Variants in PCSK5 observed in about 807,000 individuals in gnomAD.
The protein encoded by PCSK5 is proprotein convertase subtilisin/kexin type 5.
Under a neutral mutation model 233.2 loss-of-function variants are expected in PCSK5, and 129 were observed. The observed-to-expected ratio is 0.55, with a 90% CI of 0.48 to 0.64. The LOEUF is 0.64. Among genes scored for constraint, PCSK5 ranks in the 30% least tolerant of loss-of-function variants. The pLI is 0.00. For synonymous variants in PCSK5, 825 were observed against 879.2 expected (o/e 0.94, Z 1.09); for missense variants, 2,076 against 2,430.1 (o/e 0.85, Z 3.06).
chr9:76,227,159 C>T (rs1825921228), intron 20 of PCSK5, among the ~76,000 whole-genome samples: 1 of 152,148 alleles, frequency 6.6e-6, no homozygotes, highest in Non-Finnish European at 1.5e-5. Context: ...GAGACCTCAG[C>T]TTTTAATGGA....
intron 24 of PCSK5, among the ~76,000 whole-genome samples, chr9:76,247,587 A>T (rs189622390): frequency 6.6e-6 from 1 of 152,196 alleles, no homozygotes; most frequent in African/African-American, 2.4e-5. Flanking sequence ...ATTCTTAGTC[A>T]GCCTAGGAAA....
intron 2 of PCSK5, among the ~76,000 whole-genome samples, chr9:75,970,347 G>T (rs1308090935): frequency 1.3e-5 from 2 of 152,132 alleles, no homozygotes; most frequent in Admixed American, 1.3e-4. Flanking sequence ...TGAACTTTAT[G>T]TGCTCTTAAA....
chr9:76,220,506 G>A (rs919242996), intron 20 of PCSK5, among the ~76,000 whole-genome samples: 5 of 130,944 alleles, frequency 3.8e-5, no homozygotes, highest in Admixed American at 2.6e-4. Context: ...CAGCCTGGGC[G>A]ACCGAGCAAG....
Position 76,026,989 on chromosome 9 carries a change from G to C in PCSK5, c.584G>C (p.Gly195Ala), listed in dbSNP as rs1322096106. The C allele has an allele frequency of 2.5e-6, 4 of 1,608,644 alleles. No individual in the cohort carries two copies. Among genetic ancestry groups the C allele is most frequent in the Non-Finnish European group, 3.4e-6 (4 of 1,177,138 alleles). The change falls in exon 5 of 38, where the codon GGG becomes GCG. Residue 195 changes from glycine (G) to alanine (A), a missense_variant. Physicochemically the swap from Gly to Ala is moderately conservative, Grantham distance 60 (BLOSUM62 0). Around this residue, in one of 6 missense-constraint regions of PCSK5, gnomAD observed 178 missense variants for 393.6 expected, o/e 0.45. Coordinates refer to ENST00000674117, the MANE Select transcript of PCSK5 (RefSeq NM_001372043.1). ...GCTCTGGCAAGTTGCGACGTGAATG[G>C]GAATGACTTGGACCCAATGCCTCGT... ...YDALASCDVN[G>A]NDLDPMPRYD...
chr9:76,018,495 C>A (rs1382415048), intron 3 of PCSK5, among the ~76,000 whole-genome samples: 1 of 152,082 alleles, frequency 6.6e-6, no homozygotes, highest in Non-Finnish European at 1.5e-5. Context: ...TTGTGAACTG[C>A]GCATGCGAGG....
chr9:75,976,772 A>C (rs2131374718), intron 2 of PCSK5, among the ~76,000 whole-genome samples: 1 of 151,786 alleles, frequency 6.6e-6, no homozygotes, highest in East Asian at 1.9e-4. Flanking sequence ...TTAATATTTA[A>C]TATCAAAATA....
chr9:75,931,324 G>T (rs1297190611), intron 1 of PCSK5, among the ~76,000 whole-genome samples: 1 of 148,916 alleles, frequency 6.7e-6, no homozygotes, highest in Non-Finnish European at 1.5e-5. Flanking sequence ...CCTGATGATA[G>T]TTATTATTTT....
intron 1 of PCSK5, among the ~76,000 whole-genome samples, chr9:75,911,700 T>C (rs966349224): frequency 6.6e-6 from 1 of 151,986 alleles, no homozygotes; most frequent in African/African-American, 2.4e-5. Context: ...ACATATCTGG[T>C]GGTTGGTGCT....
At chr9:76,112,375 G>A (rs371024402) in intron 9 of PCSK5, among the ~76,000 whole-genome samples, 2 of 152,190 alleles carry the variant, frequency 1.3e-5, no homozygotes, top group South Asian at 4.2e-4. Context: ...CCTGCTGTGA[G>A]AAAACCCAAT....
At chr9:75,893,036 T>C (rs1035399182) in intron 1 of PCSK5, among the ~76,000 whole-genome samples, 1 of 152,126 alleles carries the variant, frequency 6.6e-6, no homozygotes, top group Non-Finnish European at 1.5e-5. Context: ...GTTCAGGTCT[T>C]TTTACATGAA....
At chr9:76,224,999 T>C (rs1564119522) in intron 20 of PCSK5, among the ~76,000 whole-genome samples, 2 of 152,228 alleles carry the variant, frequency 1.3e-5, no homozygotes, top group Admixed American at 1.3e-4. Context: ...ATCCTAGCAT[T>C]GGATCTGACA....
chr9:76,179,500 GAA>G (rs774912945), intron 14 of PCSK5, 94 bp from the exon 15 acceptor site: 10 of 735,294 alleles, frequency 1.4e-5, no homozygotes, highest in Middle Eastern at 2.5e-4. Context: ...CTCTGCATAA[GAA>G]AAAAAAAAGT....
chr9:75,971,217 G>A (rs1292461577), intron 2 of PCSK5, among the ~76,000 whole-genome samples: 1 of 152,024 alleles, frequency 6.6e-6, no homozygotes, highest in Admixed American at 6.6e-5. Flanking sequence ...GTTTGCTGAG[G>A]ATAATGACTT....
chr9:76,315,382 G>A (rs1432984905), intron 30 of PCSK5, among the ~76,000 whole-genome samples: 1 of 152,196 alleles, frequency 6.6e-6, no homozygotes, highest in Non-Finnish European at 1.5e-5. Context: ...GCTGGTCACT[G>A]TCTTGGTGTC....
chr9:76,077,457 T>A (rs1002689994), intron 7 of PCSK5, among the ~76,000 whole-genome samples: 2 of 152,202 alleles, frequency 1.3e-5, no homozygotes, highest in Admixed American at 1.3e-4. Flanking sequence ...CAGGGGTACA[T>A]GTGCAGGTTT....
intron 24 of PCSK5, among the ~76,000 whole-genome samples, chr9:76,268,535 CA>C (rs1814395737): frequency 6.6e-6 from 1 of 152,170 alleles, no homozygotes; most frequent in South Asian, 2.1e-4. Context: ...CTAGAAGATA[CA>C]GTTTTAATCT....
chr9:75,920,244 G>C lies in PCSK5; in HGVS notation c.193-12135G>C, dbSNP rs541604534. Among the ~76,000 whole-genome samples, 31 of 152,246 alleles carry C rather than the reference G, an allele frequency of 2.0e-4. No individual in the cohort carries two copies. The South Asian group carries it at 2.3e-3, about 11-fold the overall frequency. Reference sequence around the variant, plus strand: ...TCCTAATAGGGTTTTAAAACTCAGAGTGACAGGGTCATAAGCTGTCCCAAG... The same window carrying C: ...TCCTAATAGGGTTTTAAAACTCAGACTGACAGGGTCATAAGCTGTCCCAAG... On this transcript the variant is annotated intron_variant, in intron 1 of 37. Transcript: ENST00000674117.
intron 1 of PCSK5, among the ~76,000 whole-genome samples, chr9:75,909,466 C>T (rs147838555): frequency 0.028 from 4,245 of 150,506 alleles, 195 homozygotes; most frequent in African/African-American, 0.096. Context: ...GAGGCCGAGG[C>T]GGGCGAATCA....
intron 22 of PCSK5, among the ~76,000 whole-genome samples, chr9:76,238,708 A>G (rs1488451884): frequency 3.3e-5 from 5 of 152,186 alleles, no homozygotes; most frequent in Non-Finnish European, 5.9e-5. Flanking sequence ...TTTTGCAATG[A>G]CATCCCAGAT....
Sources: allele counts gnomAD v4.1 joint callset (sites outside exome capture counted in the v4.1 genomes callset), GRCh38; gene constraint gnomAD v4.1.1; regional missense constraint gnomAD v4.1.1; transcripts MANE v1.5; gene names NCBI Gene and HGNC (gene_info 2026-07-23, HGNC 2026-07-21).